SPINK6: variants seen among roughly 807,000 people sequenced by gnomAD.
The protein encoded by SPINK6 is serine peptidase inhibitor Kazal type 6, also known as serine protease inhibitor Kazal-type 6.
SPINK6 carries 13 observed loss-of-function variants against 11.7 expected under a neutral mutation model. That is an observed-to-expected ratio of 1.11 (90% CI 0.72 to 1.76). The LOEUF is 1.76. Among genes scored for constraint, SPINK6 ranks in the 40% most tolerant of loss-of-function variants. SPINK6 has a pLI of 0.00. For synonymous variants in SPINK6, 21 were observed against 31.9 expected (o/e 0.66, Z 1.15); for missense variants, 98 against 93.7 (o/e 1.05, Z -0.19).
In SPINK6 at chr5:148,212,990, T is replaced by C. The variant is rs534599066; in HGVS notation, c.82-920T>C. On this transcript the variant is annotated intron_variant, in intron 2 of 3. Transcript: ENST00000325630. ...TTAGTTTATGTGTATATAAGTGATATATTTAGTATCTATATACTTTAGAGA... is the reference window on the plus strand; with the variant it reads ...TTAGTTTATGTGTATATAAGTGATACATTTAGTATCTATATACTTTAGAGA... Among the ~76,000 whole-genome samples the C allele has an allele frequency of 7.6e-4, 114 of 149,300 alleles. 1 individual carries two copies. The highest frequency in any genetic ancestry group is 2.6e-3 in the African/African-American group (108 of 40,876).
intron 2 of SPINK6, among the ~76,000 whole-genome samples, chr5:148,213,445 C>T (rs1202372964): frequency 3.3e-5 from 5 of 151,944 alleles, no homozygotes; most frequent in Admixed American, 2.0e-4. Flanking sequence ...GTGATCCGCC[C>T]GCCTCGGCCT....
At chr5:148,206,164 C>T in intron 2 of SPINK6, 106 bp downstream of exon 2, 2 of 1,171,186 alleles carry the variant, frequency 1.7e-6, no homozygotes, top group Non-Finnish European at 2.5e-6. Flanking sequence ...AAACAATGAG[C>T]AGGCAAACCT....
At chr5:148,213,272 C>A (rs577647865) in intron 2 of SPINK6, among the ~76,000 whole-genome samples, 2 of 151,946 alleles carry the variant, frequency 1.3e-5, no homozygotes, top group Non-Finnish European at 2.9e-5. Flanking sequence ...AGTGCGGTGG[C>A]GCGATCTGGG....
At chr5:148,214,883 T>A in intron 3 of SPINK6, 22 bp from the exon 4 acceptor site, 2 of 1,607,834 alleles carry the variant, frequency 1.2e-6, no homozygotes, top group Non-Finnish European at 1.7e-6. Context: ...ACTGAGTATA[T>A]ATTTGTCTTT....
In SPINK6 at chr5:148,215,038, A is replaced by G; in HGVS notation, c.*88A>G. The G allele has an allele frequency of 7.5e-7, 1 of 1,327,460 alleles. No individual in the cohort carries two copies. The highest frequency in any genetic ancestry group is 1.4e-5 in the African/African-American group (1 of 69,066). The allele number at this position is 1,327,460 out of a possible 1,614,324, so 82.2% of individuals were successfully genotyped here. ...TATACTTTTGCTGGTGGATTCCTTT[A>G]ATTCATAAAGACATACCTACTCTGC... On this transcript the variant is annotated 3_prime_UTR_variant, in exon 4 of 4. Transcript: ENST00000325630.
At position 148,215,136 on chromosome 5, in the gene SPINK6, C is replaced by G; in HGVS notation, c.*186C>G. The G allele has an allele frequency of 1.9e-6, 1 of 539,406 alleles. No homozygotes were observed. Among genetic ancestry groups the G allele is most frequent in the East Asian group, 2.9e-5 (1 of 34,306 alleles). The allele number at this position is 539,406 out of a possible 1,614,324, so 33.4% of individuals were successfully genotyped here. The stretch of plus-strand genomic sequence containing the variant: ...GTCAATAAAGTACATTCTGCAAAAG[C>G]ATTGACTGTGTTCTTACTTTGAGAT... On this transcript the variant is annotated 3_prime_UTR_variant, in exon 4 of 4. Transcript: ENST00000325630.
At chr5:148,206,099 G>A in intron 2 of SPINK6, 41 bp downstream of exon 2, 1 of 1,612,778 alleles carries the variant, frequency 6.2e-7, no homozygotes, top group Non-Finnish European at 8.5e-7. Context: ...CCTGGGTGGT[G>A]CTTGGCTTGA....
chr5:148,210,000 A>G lies in SPINK6; in HGVS notation c.82-3910A>G, dbSNP rs1396842456. Reference sequence around the variant, plus strand: ...CGTATGTATGTATACATATACACGTATGTATACATGTATGTACGCATGTAC... The same window carrying G: ...CGTATGTATGTATACATATACACGTGTGTATACATGTATGTACGCATGTAC... On this transcript the variant is annotated intron_variant, in intron 2 of 3. Transcript: ENST00000325630. Among the ~76,000 whole-genome samples, 330 of 149,656 alleles carry G rather than the reference A, an allele frequency of 2.2e-3. 27 individuals carry two copies. Among genetic ancestry groups the G allele is most frequent in the African/African-American group, 7.7e-3 (317 of 41,238 alleles).
intron 2 of SPINK6, among the ~76,000 whole-genome samples, chr5:148,213,331 C>T (rs1036455422): frequency 1.3e-5 from 2 of 151,972 alleles, no homozygotes. Flanking sequence ...CCTGCCTCAG[C>T]CTCCCGAGGT....
At chr5:148,205,204 C>T (rs1029845860) in intron 1 of SPINK6, among the ~76,000 whole-genome samples, 4 of 152,092 alleles carry the variant, frequency 2.6e-5, no homozygotes, top group African/African-American at 7.2e-5. Context: ...AGATGGATTC[C>T]GCTAACCCAC....
chr5:148,210,070 A>G (rs572481940), intron 2 of SPINK6, among the ~76,000 whole-genome samples: 4 of 104,004 alleles, frequency 3.8e-5, no homozygotes, highest in South Asian at 3.2e-4. Flanking sequence ...ATATGTATGT[A>G]TGCATATATG....
intron 2 of SPINK6, among the ~76,000 whole-genome samples, chr5:148,209,979 T>TGTATACATATAC (rs1554112242): frequency 4.3e-4 from 63 of 145,606 alleles, no homozygotes; most frequent in African/African-American, 1.6e-3. Flanking sequence ...TACGTACGTA[T>TGTATACATATAC]GTATGTATAC....
chr5:148,210,743 G>A (rs1051716591), intron 2 of SPINK6, among the ~76,000 whole-genome samples: 1 of 151,964 alleles, frequency 6.6e-6, no homozygotes, highest in Non-Finnish European at 1.5e-5. Context: ...GTTTCAAAAA[G>A]GTTGGAGTGA....
rs753927403 is a variant in SPINK6, at chr5:148,214,031, T to C, written c.197+6T>C. On this transcript the variant is annotated splice_donor_region_variant and intron_variant, in intron 3 of 3. Transcript: ENST00000325630. ...GCCTTCTGTAAGGCCATAGTGTAAGTATTATATTCATCAAAGCTGACCCTT... is the reference window on the plus strand; with the variant it reads ...GCCTTCTGTAAGGCCATAGTGTAAGCATTATATTCATCAAAGCTGACCCTT... 7 of 1,541,226 alleles carry C rather than the reference T, an allele frequency of 4.5e-6. No individual in the cohort carries two copies. The African/African-American group carries it at 8.1e-5, about 18-fold the overall frequency.
intron 1 of SPINK6, among the ~76,000 whole-genome samples, chr5:148,204,310 A>G (rs2113305103): frequency 6.6e-6 from 1 of 152,162 alleles, no homozygotes; most frequent in African/African-American, 2.4e-5. Context: ...TGGGTAGTTC[A>G]ATCAGTTGCT....
intron 2 of SPINK6, among the ~76,000 whole-genome samples, chr5:148,208,325 G>A (rs1218986277): frequency 2.6e-5 from 4 of 152,094 alleles, no homozygotes; most frequent in Non-Finnish European, 5.9e-5. Flanking sequence ...ATGGTACTGA[G>A]GCTGCCATTT....
rs780558943 is a variant in SPINK6, at chr5:148,203,133, G to A, written c.37G>A (p.Ala13Thr). 11 of 1,611,704 alleles carry A rather than the reference G, an allele frequency of 6.8e-6. 1 individual carries two copies. In the South Asian group the frequency reaches 1.1e-4, roughly 16 times the overall value. ...LSGMFLLLSL[A>T]LFCFLTGVFS... ...AGGCATGTTTCTGCTCCTCTCTCTG[G>A]CTCTTTTCTGCTTTTTAACAGGTAA... Residue 13 changes from alanine (A) to threonine (T), a missense_variant, in exon 1 of 4, where the codon GCT becomes ACT. Coordinates refer to ENST00000325630, the MANE Select transcript of SPINK6 (RefSeq NM_205841.4).
chr5:148,212,850 A>G (rs1581143876), intron 2 of SPINK6, among the ~76,000 whole-genome samples: 1 of 141,162 alleles, frequency 7.1e-6, no homozygotes, highest in South Asian at 2.1e-4. Flanking sequence ...TATTTAGTAT[A>G]TAAATATATA....
At chr5:148,210,712 T>C (rs971759739) in intron 2 of SPINK6, among the ~76,000 whole-genome samples, 2 of 151,886 alleles carry the variant, frequency 1.3e-5, no homozygotes, top group African/African-American at 4.8e-5. Flanking sequence ...AGAACCAACA[T>C]ATAATGAAAG....
Sources: allele counts gnomAD v4.1 joint callset (sites outside exome capture counted in the v4.1 genomes callset), GRCh38; gene constraint gnomAD v4.1.1; transcripts MANE v1.5; gene names NCBI Gene and HGNC (gene_info 2026-07-23, HGNC 2026-07-21).